CRTAC1: variants seen among roughly 807,000 people sequenced by gnomAD.
The protein encoded by CRTAC1 is cartilage acidic protein 1, also known as acidic secreted protein in cartilage.
Under a neutral mutation model 67.8 loss-of-function variants are expected in CRTAC1, and 37 were observed. The observed-to-expected ratio is 0.55, with a 90% CI of 0.42 to 0.72. The LOEUF (loss-of-function observed/expected upper bound fraction) is 0.72, where lower values mean the gene tolerates loss of function less well. Ranked by LOEUF, CRTAC1 falls within the 30% of genes least tolerant of loss-of-function variation. CRTAC1 has a pLI of 0.00. For synonymous variants in CRTAC1, 348 were observed against 371.0 expected, an observed-to-expected ratio of 0.94 and a Z score of 0.71; for missense variants, 780 against 931.6, an observed-to-expected ratio of 0.84 and a Z score of 2.12.
At chr10:98,018,735 C>G (rs958010178) in intron 1 of CRTAC1, among the ~76,000 whole-genome samples, 1 of 152,130 alleles carries the variant, frequency 6.6e-6, no homozygotes, top group Non-Finnish European at 1.5e-5. Flanking sequence ...ATATTTCCGA[C>G]GTTGGCGACA....
At chr10:97,935,751 C>A (rs1292415040) in intron 3 of CRTAC1, among the ~76,000 whole-genome samples, 1 of 152,136 alleles carries the variant, frequency 6.6e-6, no homozygotes, top group Non-Finnish European at 1.5e-5. Context: ...TAGAAAGGTC[C>A]TCTACAGCTA....
intron 2 of CRTAC1, among the ~76,000 whole-genome samples, chr10:97,950,242 C>CAGAG (rs1160076016): frequency 0.012 from 1,385 of 117,350 alleles, 19 homozygotes; most frequent in South Asian, 0.024. Context: ...TGCACACACA[C>CAGAG]ACACAGAGAG....
rs1188640793 is a variant in CRTAC1, at chr10:98,004,183, A to G, written c.224+6955T>C. Among the ~76,000 whole-genome samples, 5 of 152,220 alleles carry G rather than the reference A, an allele frequency of 3.3e-5. No homozygotes were observed. In the East Asian group the frequency reaches 7.7e-4, roughly 23 times the overall value. On this transcript the variant is annotated intron_variant, in intron 2 of 14. Coordinates refer to ENST00000370597, the MANE Select transcript of CRTAC1 (RefSeq NM_018058.7). ...CCATTCTTCCATGATACCAACAACA[A>G]TGAAATTTCAGGGTTAAGGGTGACC... is the stretch of plus-strand genomic sequence containing the variant.
chr10:97,947,359 T>C (rs543511556), intron 2 of CRTAC1, among the ~76,000 whole-genome samples: 1 of 152,300 alleles, frequency 6.6e-6, no homozygotes, highest in African/African-American at 2.4e-5. Flanking sequence ...ATTGTTGGGG[T>C]AAAAGTTTTA....
chr10:97,986,855 T>A (rs780745642), intron 2 of CRTAC1, among the ~76,000 whole-genome samples: 5 of 152,202 alleles, frequency 3.3e-5, no homozygotes, highest in Non-Finnish European at 7.3e-5. Context: ...CAGCGAGAGA[T>A]CTGCCCTCCT....
At chr10:97,909,290 G>A (rs1422989396) in intron 5 of CRTAC1, among the ~76,000 whole-genome samples, 2 of 152,062 alleles carry the variant, frequency 1.3e-5, no homozygotes, top group African/African-American at 2.4e-5. Context: ...CCCTGAGAAA[G>A]CCTTCCCTCA....
intron 2 of CRTAC1, among the ~76,000 whole-genome samples, chr10:98,001,938 G>T (rs1206355168): frequency 6.6e-6 from 1 of 152,190 alleles, no homozygotes; most frequent in Admixed American, 6.5e-5. Context: ...CGTCAGATCC[G>T]CCCCCTGGAG....
chr10:97,991,155 C>T (rs1178233869), intron 2 of CRTAC1, among the ~76,000 whole-genome samples: 1 of 148,696 alleles, frequency 6.7e-6, no homozygotes, highest in African/African-American at 2.5e-5. Context: ...GGCATGCACT[C>T]CCAGCTCAGG....
chr10:97,982,744 G>C (rs924461386), intron 2 of CRTAC1, among the ~76,000 whole-genome samples: 2 of 152,126 alleles, frequency 1.3e-5, no homozygotes, highest in Non-Finnish European at 2.9e-5. Flanking sequence ...TCAGGTACTG[G>C]CCAACTGAAA....
At chr10:97,914,207 C>A (rs1194754775) in intron 5 of CRTAC1, among the ~76,000 whole-genome samples, 1 of 152,138 alleles carries the variant, frequency 6.6e-6, no homozygotes, top group Non-Finnish European at 1.5e-5. Flanking sequence ...TGGCCATGCC[C>A]AGGACTGGAG....
chr10:98,025,910 C>A (rs924418603), intron 1 of CRTAC1, among the ~76,000 whole-genome samples: 1 of 152,208 alleles, frequency 6.6e-6, no homozygotes, highest in African/African-American at 2.4e-5. Context: ...CATGGCAGAA[C>A]CCCAAAGTGA....
intron 14 of CRTAC1, chr10:97,870,774 C>T (rs891841633): frequency 2.6e-5 from 4 of 152,028 alleles, no homozygotes; most frequent in Non-Finnish European, 5.9e-5. Flanking sequence ...AATGTCTGCT[C>T]TGCTGTGGGT....
chr10:98,002,761 C>CTGTTTGT (rs771351655), intron 2 of CRTAC1, among the ~76,000 whole-genome samples: 1 of 37,268 alleles, frequency 2.7e-5, no homozygotes, highest in Admixed American at 3.4e-4. Flanking sequence ...ACAAAACTCA[C>CTGTTTGT]TTTTTTTTTT....
At chr10:97,972,470 T>A (rs913650847) in intron 2 of CRTAC1, among the ~76,000 whole-genome samples, 3 of 152,184 alleles carry the variant, frequency 2.0e-5, no homozygotes, top group African/African-American at 4.8e-5. Flanking sequence ...CTGGGTGTGG[T>A]GTAGGACTGG....
chr10:97,989,282 A>G (rs911992263), intron 2 of CRTAC1, among the ~76,000 whole-genome samples: 1 of 152,030 alleles, frequency 6.6e-6, no homozygotes, highest in Non-Finnish European at 1.5e-5. Context: ...CCCCCACCCA[A>G]CGCACACACA....
chr10:97,946,375 C>T (rs1384097923), intron 2 of CRTAC1, among the ~76,000 whole-genome samples: 1 of 152,238 alleles, frequency 6.6e-6, no homozygotes, highest in Non-Finnish European at 1.5e-5. Context: ...ACCTCATTCT[C>T]TCACATGATC....
intron 2 of CRTAC1, among the ~76,000 whole-genome samples, chr10:97,989,137 C>T (rs1371174839): frequency 6.6e-6 from 1 of 152,148 alleles, no homozygotes; most frequent in Admixed American, 6.5e-5. Context: ...GGTTCTCAGG[C>T]CTTCAGACTT....
intron 8 of CRTAC1, among the ~76,000 whole-genome samples, chr10:97,901,157 C>T (rs936410479): frequency 6.6e-6 from 1 of 152,044 alleles, no homozygotes; most frequent in South Asian, 2.1e-4. Context: ...CCCGTAGCCC[C>T]TTTTCCTGGT....
intron 2 of CRTAC1, among the ~76,000 whole-genome samples, chr10:97,958,031 A>G (rs908101691): frequency 1.3e-5 from 2 of 152,052 alleles, no homozygotes; most frequent in African/African-American, 2.4e-5. Flanking sequence ...GGGTCTTGTA[A>G]GCAGGATACC....
Sources: allele counts gnomAD v4.1 joint callset (sites outside exome capture counted in the v4.1 genomes callset), GRCh38; gene constraint gnomAD v4.1.1; transcripts MANE v1.5; gene names NCBI Gene and HGNC (gene_info 2026-07-23, HGNC 2026-07-21).